XKR9: variants seen among roughly 807,000 people sequenced by gnomAD.
The protein encoded by XKR9 is XK related 9, also known as XK-related protein 9.
A neutral mutation model predicts 32.0 loss-of-function variants in XKR9; 32 were observed. The ratio of observed to expected loss-of-function variants is 1.00; its 90% confidence interval spans 0.76 to 1.34. XKR9 has a LOEUF of 1.34. Among genes scored for constraint, XKR9 ranks in the 40% most tolerant of loss-of-function variants. The pLI, the probability that XKR9 is intolerant of heterozygous loss-of-function variation, is 0.00. For missense variants in XKR9, 546 were observed against 429.7 expected, an observed-to-expected ratio of 1.27 and a Z score of -2.39; for synonymous variants, 168 against 143.4, an observed-to-expected ratio of 1.17 and a Z score of -1.22.
At chr8:70,918,313 G>A in the XKR9 span, among the ~76,000 whole-genome samples, 2 of 152,276 alleles carry the variant, frequency 1.3e-5, no homozygotes, top group East Asian at 1.9e-4. Flanking sequence ...AGATTCTATC[G>A]GGGAGATCTG....
At chr8:70,728,916 A>G (rs1357741651) in intron 4 of XKR9, among the ~76,000 whole-genome samples, 2 of 152,148 alleles carry the variant, frequency 1.3e-5, no homozygotes, top group African/African-American at 2.4e-5. Context: ...TCAAATACCT[A>G]TGAGTTGGGA....
At chr8:70,930,945 G>A in the XKR9 span, among the ~76,000 whole-genome samples, 1 of 152,104 alleles carries the variant, frequency 6.6e-6, no homozygotes. Context: ...GAAGTTAGGG[G>A]TTTAAACACA....
the XKR9 span, among the ~76,000 whole-genome samples, chr8:70,913,527 G>A: frequency 6.6e-6 from 1 of 152,072 alleles, no homozygotes; most frequent in African/African-American, 2.4e-5. Flanking sequence ...GAAAAACTTA[G>A]TAGGAAAACA....
At chr8:70,861,674 G>A in the XKR9 span, among the ~76,000 whole-genome samples, 1 of 151,838 alleles carries the variant, frequency 6.6e-6, no homozygotes, top group Non-Finnish European at 1.5e-5. Context: ...TAAAAACAAA[G>A]TAAAATAAAG....
At chr8:70,951,860 G>A in the XKR9 span, among the ~76,000 whole-genome samples, 2 of 143,410 alleles carry the variant, frequency 1.4e-5, no homozygotes, top group Non-Finnish European at 3.0e-5. Flanking sequence ...GGTCTCCATA[G>A]CATCATTGGG....
the XKR9 span, among the ~76,000 whole-genome samples, chr8:71,036,300 T>C: frequency 6.6e-6 from 1 of 152,216 alleles, no homozygotes; most frequent in South Asian, 2.1e-4. Context: ...TACTGACTTT[T>C]GATTTTTAGG....
chr8:70,824,765 T>C, the XKR9 span, among the ~76,000 whole-genome samples: 8 of 152,180 alleles, frequency 5.3e-5, no homozygotes, highest in African/African-American at 1.7e-4. Flanking sequence ...TGAATATCTA[T>C]GATTACATGA....
At chr8:70,803,930 C>A in the XKR9 span, among the ~76,000 whole-genome samples, 1 of 152,148 alleles carries the variant, frequency 6.6e-6, no homozygotes, top group Non-Finnish European at 1.5e-5. Flanking sequence ...AAGGTGTTGC[C>A]CTCCTGGCAA....
chr8:70,756,308 A>G (rs1807225666), intron 2 of XKR9, among the ~76,000 whole-genome samples: 1 of 152,158 alleles, frequency 6.6e-6, no homozygotes, highest in Admixed American at 6.5e-5. Flanking sequence ...GTGATTCCTC[A>G]GTTTATTATT....
chr8:70,771,248 G>A (rs899449479), intron 2 of XKR9, among the ~76,000 whole-genome samples: 12 of 152,288 alleles, frequency 7.9e-5, no homozygotes, highest in African/African-American at 2.9e-4. Flanking sequence ...TACACTCACT[G>A]CTTAACCAGT....
intron 2 of XKR9, among the ~76,000 whole-genome samples, chr8:70,748,975 C>G (rs1020903840): frequency 1.3e-5 from 2 of 152,156 alleles, no homozygotes; most frequent in Admixed American, 6.5e-5. Context: ...CACCATAGGT[C>G]TCCTCTGTGC....
chr8:70,705,447 A>G lies in XKR9; in HGVS notation c.273-1486A>G, dbSNP rs115141051. Among the ~76,000 whole-genome samples, 461 of 152,310 alleles carry G rather than the reference A, an allele frequency of 3.0e-3. 4 individuals are homozygous for G. Among genetic ancestry groups the G allele is most frequent in the African/African-American group, 0.011 (441 of 41,562 alleles). On this transcript the variant is annotated intron_variant, in intron 3 of 4. Transcript: ENST00000408926. Reference sequence around the variant, plus strand: ...AGGTGGTATGATCTGGTAGGCATCTATAAGTAAGTAATATTTGAGTAGAGA... The same window carrying G: ...AGGTGGTATGATCTGGTAGGCATCTGTAAGTAAGTAATATTTGAGTAGAGA...
chr8:71,035,481 A>G, the XKR9 span, among the ~76,000 whole-genome samples: 4 of 152,222 alleles, frequency 2.6e-5, no homozygotes, highest in South Asian at 8.3e-4. Flanking sequence ...TTGGCTAAAC[A>G]TATAAATTAT....
intron 2 of XKR9, among the ~76,000 whole-genome samples, chr8:70,757,901 C>G (rs986295948): frequency 6.6e-6 from 1 of 152,110 alleles, no homozygotes; most frequent in Non-Finnish European, 1.5e-5. Flanking sequence ...TCCTTTATTT[C>G]TATAATGGCT....
chr8:70,954,464 C>T, the XKR9 span, among the ~76,000 whole-genome samples: 6 of 152,208 alleles, frequency 3.9e-5, no homozygotes, highest in African/African-American at 7.2e-5. Flanking sequence ...TAATTTTTAG[C>T]CAGCATTATC....
chr8:70,762,326 G>T (rs144227545), intron 2 of XKR9, among the ~76,000 whole-genome samples: 4 of 152,062 alleles, frequency 2.6e-5, no homozygotes. Flanking sequence ...TGTTCCAGGA[G>T]TCACCAACCC....
the XKR9 span, among the ~76,000 whole-genome samples, chr8:70,886,023 A>G: frequency 6.6e-6 from 1 of 152,040 alleles, no homozygotes; most frequent in Admixed American, 6.6e-5. Context: ...TATTTCTCCT[A>G]ATGCTATCCC....
At chr8:71,031,488 G>A in the XKR9 span, among the ~76,000 whole-genome samples, 11 of 152,110 alleles carry the variant, frequency 7.2e-5, no homozygotes, top group Admixed American at 5.9e-4. Context: ...GTATTCTAAG[G>A]CCCAGTGTTC....
At chr8:71,007,328 A>G in the XKR9 span, among the ~76,000 whole-genome samples, 1 of 152,192 alleles carries the variant, frequency 6.6e-6, no homozygotes, top group Non-Finnish European at 1.5e-5. Flanking sequence ...CCCTGCTATG[A>G]GGATCACGAA....
Sources: gnomAD v4.1 joint callset for allele counts (sites outside exome capture counted in the v4.1 genomes callset) on GRCh38, gnomAD v4.1.1 for gene constraint, MANE v1.5 for transcripts, NCBI Gene and HGNC (gene_info 2026-07-23, HGNC 2026-07-21) for gene names.